The following ELK3 variants were observed in gnomAD, a reference collection of about 807,000 sequenced individuals.
The protein encoded by ELK3 is ETS transcription factor ELK3, also known as ETS domain-containing protein Elk-3.
A neutral mutation model predicts 28.9 loss-of-function variants in ELK3; 10 were observed. The ratio of observed to expected loss-of-function variants is 0.35; its 90% confidence interval spans 0.21 to 0.59. ELK3 has a LOEUF of 0.59. Ranked by LOEUF, ELK3 falls within the 20% of genes least tolerant of loss-of-function variation. The pLI, the probability that ELK3 is intolerant of heterozygous loss-of-function variation, is 0.82. For synonymous variants in ELK3, 272 were observed against 243.5 expected (o/e 1.12, Z -1.09); for missense variants, 463 against 517.3 (o/e 0.90, Z 1.02).
intron 3 of ELK3, among the ~76,000 whole-genome samples, chr12:96,253,217 G>A (rs539904547): frequency 1.3e-5 from 2 of 152,320 alleles, no homozygotes; most frequent in East Asian, 3.9e-4. Context: ...CCGAGATCAC[G>A]CCACCGCACT....
intron 3 of ELK3, 31 bp from the exon 4 acceptor site, chr12:96,259,700 T>C (rs1170544958): frequency 3.1e-6 from 5 of 1,596,094 alleles, no homozygotes; most frequent in East Asian, 2.3e-5. Context: ...GGTGAACCTA[T>C]ATGAAGAAGT....
chr12:96,258,307 T>TATG (rs1951967173), intron 3 of ELK3, among the ~76,000 whole-genome samples: 1 of 152,236 alleles, frequency 6.6e-6, no homozygotes, highest in Non-Finnish European at 1.5e-5. Flanking sequence ...TCATAGGTCA[T>TATG]TCAGTATGTA....
In ELK3 at chr12:96,222,940, C is replaced by T. The variant is rs530070178; in HGVS notation, c.-2-625C>T. The stretch of plus-strand genomic sequence containing the variant: ...AAGGGGAGCAGGCGTGTCACATGGC[C>T]GGAGCAAGAGCAAGAAAGCGAGGGT... On this transcript the variant is annotated intron_variant, in intron 1 of 4. Transcript: ENST00000228741. 5.2e-5 allele frequency: 8 copies of T among 154,256 alleles called. No individual in the cohort carries two copies. The South Asian group carries it at 1.1e-3, about 22-fold the overall frequency. 9.6% of individuals were successfully genotyped at this position (154,256 alleles called of 1,614,324 possible). A position where few individuals can be genotyped will look rare whatever the true frequency, so the allele number is the denominator to read the frequency against.
At chr12:96,244,840 T>A (rs1044150628) in intron 2 of ELK3, among the ~76,000 whole-genome samples, 21 of 152,320 alleles carry the variant, frequency 1.4e-4, no homozygotes, top group African/African-American at 5.1e-4. Context: ...GGGCATGTTC[T>A]GACCCAGGGC....
At position 96,222,041 on chromosome 12, in the gene ELK3, C is replaced by CTA. The variant is rs547633876; in HGVS notation, c.-2-1522_-2-1521dup. ...CCACCAGGACTTCAGTGTCTCCCTCCTATCCAAGGGGATGATCCCTAGCTC... is the reference window on the plus strand; with the variant it reads ...CCACCAGGACTTCAGTGTCTCCCTCCTATATCCAAGGGGATGATCCCTAGCTC... On this transcript the variant is annotated intron_variant, in intron 1 of 4. Coordinates refer to ENST00000228741, the MANE Select transcript of ELK3 (RefSeq NM_005230.4). Among the ~76,000 whole-genome samples, 385 of 152,274 alleles carry CTA rather than the reference C, an allele frequency of 2.5e-3. 3 individuals carry two copies. Among genetic ancestry groups the CTA allele is most frequent in the African/African-American group, 8.8e-3 (364 of 41,548 alleles).
rs902147410 is a variant in ELK3, at chr12:96,269,718, G to A, written c.*2538G>A. On this transcript the variant is annotated 3_prime_UTR_variant, in exon 5 of 5. Transcript: ENST00000228741. ...TTTTATAGAACTATATAACCTGAAT[G>A]TTGGTCTCTTTGTACACATCTTTTC... 2 of 152,170 alleles carry A rather than the reference G, an allele frequency of 1.3e-5. No homozygotes were observed. Among genetic ancestry groups the A allele is most frequent in the Non-Finnish European group, 1.5e-5 (1 of 68,032 alleles). The allele number at this position is 152,170 out of a possible 1,614,324, so 9.4% of individuals were successfully genotyped here. A position where few individuals can be genotyped will look rare whatever the true frequency, so the allele number is the denominator to read the frequency against.
At position 96,259,827 on chromosome 12, in the gene ELK3, C is replaced by A; in HGVS notation, c.1099C>A (p.Leu367Met). 6.2e-7 allele frequency: 1 copy of A among 1,606,508 alleles called. No individual in the cohort carries two copies. The highest frequency in any genetic ancestry group is 8.5e-7 in the Non-Finnish European group (1 of 1,177,322). ...SPVAPLSPAR[L>M]QGPSTLFQFP... ...AGTTGCTCCGCTGAGTCCTGCCAGG[C>A]TGCAAGGGCCAAGCACGCTGTTCCA... The change falls in exon 4 of 5, where the codon CTG becomes ATG. Residue 367 changes from leucine (L) to methionine (M), a missense_variant. Physicochemically the swap from Leu to Met is conservative, Grantham distance 15. This residue lies in a region of ELK3 where 408 missense variants were observed against 414.8 expected (regional missense o/e 0.98). Transcript: ENST00000228741.
At chr12:96,231,491 T>A (rs1422905405) in intron 2 of ELK3, among the ~76,000 whole-genome samples, 1 of 152,164 alleles carries the variant, frequency 6.6e-6, no homozygotes, top group African/African-American at 2.4e-5. Context: ...CACCACTTCT[T>A]GAATAAGGCT....
chr12:96,251,023 T>C (rs1038377753), intron 3 of ELK3, among the ~76,000 whole-genome samples: 7 of 152,206 alleles, frequency 4.6e-5, no homozygotes, highest in African/African-American at 1.7e-4. Context: ...TCACAATTAA[T>C]TGGTGGTTTT....
At chr12:96,195,043 T>A (rs1276386183) in intron 1 of ELK3, among the ~76,000 whole-genome samples, 1 of 151,484 alleles carries the variant, frequency 6.6e-6, no homozygotes, top group Non-Finnish European at 1.5e-5. Context: ...CCCTGGGAGC[T>A]CGCCCAGGGC....
At chr12:96,265,261 T>C (rs1232629563) in intron 4 of ELK3, among the ~76,000 whole-genome samples, 10 of 152,158 alleles carry the variant, frequency 6.6e-5, no homozygotes, top group Non-Finnish European at 1.3e-4. Flanking sequence ...ACTATGTCCA[T>C]TGAGTATACA....
At chr12:96,210,559 G>GCACACACACACACACACA (rs199706864) in intron 1 of ELK3, among the ~76,000 whole-genome samples, 13 of 143,062 alleles carry the variant, frequency 9.1e-5, no homozygotes, top group South Asian at 2.1e-4. Context: ...CTGCGCGCGG[G>GCACACACACACACACACA]CGCACGCACA....
At chr12:96,214,238 C>T (rs563988295) in intron 1 of ELK3, among the ~76,000 whole-genome samples, 67 of 152,186 alleles carry the variant, frequency 4.4e-4, no homozygotes, top group African/African-American at 1.5e-3. Context: ...TGAGACCACC[C>T]TGGCGAACAT....
At chr12:96,202,107 T>C (rs1005095553) in intron 1 of ELK3, among the ~76,000 whole-genome samples, 1 of 152,152 alleles carries the variant, frequency 6.6e-6, no homozygotes, top group Non-Finnish European at 1.5e-5. Flanking sequence ...GGTTCTTACA[T>C]TCCTCTGCAC....
At chr12:96,261,157 T>G (rs1951989869) in intron 4 of ELK3, among the ~76,000 whole-genome samples, 1 of 152,220 alleles carries the variant, frequency 6.6e-6, no homozygotes, top group Non-Finnish European at 1.5e-5. Context: ...CTGTACATGC[T>G]GGGATTCAGG....
intron 1 of ELK3, among the ~76,000 whole-genome samples, chr12:96,223,344 G>A (rs1951676417): frequency 6.6e-6 from 1 of 152,090 alleles, no homozygotes; most frequent in Admixed American, 6.5e-5. Context: ...AGGATCACAG[G>A]GCCTCCCTGT....
intron 4 of ELK3, among the ~76,000 whole-genome samples, chr12:96,262,526 A>G: frequency 6.6e-6 from 1 of 152,142 alleles, no homozygotes; most frequent in East Asian, 1.9e-4. Flanking sequence ...TTGAAAAAAA[A>G]GACAAGCTGG....
At position 96,259,824 on chromosome 12, in the gene ELK3, A is replaced by G; in HGVS notation, c.1096A>G (p.Arg366Gly). 6.2e-7 allele frequency: 1 copy of G among 1,606,778 alleles called. No homozygotes were observed. The highest frequency in any genetic ancestry group is 8.5e-7 in the Non-Finnish European group (1 of 1,177,370). The change falls in exon 4 of 5, where the codon AGG becomes GGG. Residue 366 changes from arginine to glycine, a missense_variant. Arg to Gly is a moderately radical substitution (Grantham distance 125, BLOSUM62 -2). This residue lies in a region of ELK3 where 408 missense variants were observed against 414.8 expected (regional missense o/e 0.98). Coordinates refer to ENST00000228741, the MANE Select transcript of ELK3 (RefSeq NM_005230.4). ...LSPVAPLSPARLQGPSTLFQF... is the reference protein window; with the variant it reads ...LSPVAPLSPAGLQGPSTLFQF... ...TCCAGTTGCTCCGCTGAGTCCTGCC[A>G]GGCTGCAAGGGCCAAGCACGCTGTT...
At chr12:96,218,505 G>T (rs867887911) in intron 1 of ELK3, among the ~76,000 whole-genome samples, 1 of 152,062 alleles carries the variant, frequency 6.6e-6, no homozygotes, top group Non-Finnish European at 1.5e-5. Context: ...CAGATTACCT[G>T]TTGGGTGCAG....
Sources: allele counts gnomAD v4.1 joint callset (sites outside exome capture counted in the v4.1 genomes callset), GRCh38; gene constraint gnomAD v4.1.1; regional missense constraint gnomAD v4.1.1; transcripts MANE v1.5; gene names NCBI Gene and HGNC (gene_info 2026-07-23, HGNC 2026-07-21).